Variants in PDZD2 observed in about 807,000 individuals in gnomAD.
The protein encoded by PDZD2 is PDZ domain containing 2.
Under a neutral mutation model 220.7 loss-of-function variants are expected in PDZD2, and 90 were observed. That is an observed-to-expected ratio of 0.41 (90% CI 0.34 to 0.49). The LOEUF is 0.49. Among genes scored for constraint, PDZD2 ranks in the 20% least tolerant of loss-of-function variants. The pLI, the probability that PDZD2 is intolerant of heterozygous loss-of-function variation, is 0.28. For synonymous variants in PDZD2, 1,375 were observed against 1,450.5 expected, an observed-to-expected ratio of 0.95 and a Z score of 1.18; for missense variants, 3,174 against 3,608.5, an observed-to-expected ratio of 0.88 and a Z score of 3.08.
intron 2 of PDZD2, among the ~76,000 whole-genome samples, chr5:31,833,801 C>G (rs561950571): frequency 1.3e-5 from 2 of 152,350 alleles, no homozygotes; most frequent in East Asian, 3.9e-4. Flanking sequence ...GTGACAACCT[C>G]AACTGGGACC....
intron 2 of PDZD2, among the ~76,000 whole-genome samples, chr5:31,932,289 C>T (rs1745363646): frequency 6.6e-6 from 1 of 152,198 alleles, no homozygotes; most frequent in Non-Finnish European, 1.5e-5. Context: ...TGGCTCATGC[C>T]TGTAATCCTT....
intron 1 of PDZD2, among the ~76,000 whole-genome samples, chr5:31,682,428 T>C (rs981082931): frequency 2.6e-5 from 4 of 152,184 alleles, no homozygotes; most frequent in African/African-American, 9.7e-5. Flanking sequence ...GGTGGTTAAT[T>C]GGGAGAAGTG....
intron 1 of PDZD2, among the ~76,000 whole-genome samples, chr5:31,642,265 C>G (rs1744977495): frequency 6.6e-6 from 1 of 152,168 alleles, no homozygotes; most frequent in Non-Finnish European, 1.5e-5. Context: ...TTCTTCTGCC[C>G]TCAGACACAT....
chr5:32,077,639 G>A, intron 19 of PDZD2, 33 bp downstream of exon 19: 1 of 1,608,504 alleles, frequency 6.2e-7, no homozygotes. Flanking sequence ...TAATCTTAAA[G>A]TAGGTGGGGA....
chr5:31,944,370 T>C (rs1210270250), intron 2 of PDZD2, among the ~76,000 whole-genome samples: 3 of 152,170 alleles, frequency 2.0e-5, no homozygotes, highest in African/African-American at 7.2e-5. Flanking sequence ...TGGGGGATCT[T>C]GATAAAATGC....
At chr5:31,897,717 A>G (rs1741696609) in intron 2 of PDZD2, among the ~76,000 whole-genome samples, 1 of 149,468 alleles carries the variant, frequency 6.7e-6, no homozygotes, top group East Asian at 2.0e-4. Context: ...CAGATGATAT[A>G]AGGTCTCATT....
chr5:31,852,853 T>TC (rs1243387047), intron 2 of PDZD2, among the ~76,000 whole-genome samples: 1 of 152,170 alleles, frequency 6.6e-6, no homozygotes, highest in Non-Finnish European at 1.5e-5. Context: ...CACCTCGACC[T>TC]CCCAAAGTGT....
chr5:31,672,298 C>T (rs1746245057), intron 1 of PDZD2, among the ~76,000 whole-genome samples: 1 of 152,184 alleles, frequency 6.6e-6, no homozygotes, highest in East Asian at 1.9e-4. Flanking sequence ...TGTTGCCCTC[C>T]TCGCCAAAGC....
rs1757214002 is a variant in PDZD2 at position 31,840,425 on chromosome 5, TATATATATATATA to T, written c.476+40702_476+40714del. 7.4e-5 allele frequency: 9 copies of T among 122,448 alleles called. 1 individual carries two copies. The highest frequency in any genetic ancestry group is 3.4e-3 in the Middle Eastern group (1 of 292). 7.6% of individuals were successfully genotyped at this position (122,448 alleles called of 1,614,324 possible). A position where few individuals can be genotyped will look rare whatever the true frequency, so the allele number is the denominator to read the frequency against. ...ATATATATATATATATATATATATATATATATATATATATATATATATATTTGTTTATAGTCCA... is the reference window on the plus strand; with the variant it reads ...ATATATATATATATATATATATATATTATATATATATTTGTTTATAGTCCA... On this transcript the variant is annotated intron_variant, in intron 2 of 24. Coordinates refer to ENST00000438447, the MANE Select transcript of PDZD2 (RefSeq NM_178140.4).
At position 32,031,521 on chromosome 5, in the gene PDZD2, T is replaced by C. The variant is rs565817053; in HGVS notation, c.1408-5710T>C. On this transcript the variant is annotated intron_variant, in intron 6 of 24. Coordinates refer to ENST00000438447, the MANE Select transcript of PDZD2 (RefSeq NM_178140.4). The stretch of plus-strand genomic sequence containing the variant: ...TTTGCAGTAATTTTATTAAAGGGCT[T>C]TTTTCCCCATCTTCAAAGAAGATGG... 2.0e-5 allele frequency among the ~76,000 whole-genome samples: 3 copies of C among 152,274 alleles called. No individual in the cohort carries two copies. In the South Asian group the frequency reaches 6.2e-4, roughly 32 times the overall value.
chr5:31,809,626 G>A (rs11740482), intron 2 of PDZD2, among the ~76,000 whole-genome samples: 2,164 of 152,308 alleles, frequency 0.014, 25 homozygotes, highest in South Asian at 0.036. Flanking sequence ...TAAGGAAAGC[G>A]TGAGCAGCAA....
At chr5:31,869,196 T>C (rs1290954665) in intron 2 of PDZD2, among the ~76,000 whole-genome samples, 2 of 152,232 alleles carry the variant, frequency 1.3e-5, no homozygotes, top group African/African-American at 4.8e-5. Context: ...CAAATCCATT[T>C]ACTTCTACTG....
chr5:31,740,249 G>A lies in PDZD2; in HGVS notation c.-360-58640G>A, dbSNP rs139990287. Among the ~76,000 whole-genome samples, 450 of 152,004 alleles carry A rather than the reference G, an allele frequency of 3.0e-3. 6 individuals carry two copies. The East Asian group carries it at 0.04, about 13-fold the overall frequency. On this transcript the variant is annotated intron_variant, in intron 1 of 24. Coordinates refer to ENST00000438447, the MANE Select transcript of PDZD2 (RefSeq NM_178140.4). Reference sequence around the variant, plus strand: ...GAAAATTCTGCTGTTGGCTGGGTGCGGTGGCTCAAGCCTGTAATCCCAGCA... The same window carrying A: ...GAAAATTCTGCTGTTGGCTGGGTGCAGTGGCTCAAGCCTGTAATCCCAGCA...
At chr5:31,920,942 A>C (rs1744199123) in intron 2 of PDZD2, among the ~76,000 whole-genome samples, 1 of 152,142 alleles carries the variant, frequency 6.6e-6, no homozygotes, top group Admixed American at 6.6e-5. Flanking sequence ...TTCGTTCCTT[A>C]GTAGCTCATT....
chr5:31,860,052 G>A (rs558504415), intron 2 of PDZD2, among the ~76,000 whole-genome samples: 24 of 152,234 alleles, frequency 1.6e-4, no homozygotes, highest in African/African-American at 5.3e-4. Context: ...GAGAAACTGG[G>A]TGAAGAGAAA....
At chr5:32,031,136 C>T (rs997341674) in intron 6 of PDZD2, among the ~76,000 whole-genome samples, 19 of 152,166 alleles carry the variant, frequency 1.2e-4, no homozygotes, top group Non-Finnish European at 2.5e-4. Flanking sequence ...TAGCTTTCTT[C>T]AGGTCCCAGT....
chr5:32,061,477 C>T (rs368252019), intron 14 of PDZD2, among the ~76,000 whole-genome samples: 11 of 152,212 alleles, frequency 7.2e-5, no homozygotes, highest in African/African-American at 2.6e-4. Flanking sequence ...TCTCTATGAC[C>T]CTGTCAGTTT....
At position 32,073,835 on chromosome 5, in the gene PDZD2, A is replaced by G. The variant is rs766065007; in HGVS notation, c.2729A>G (p.His910Arg). The change falls in exon 18 of 25, where the codon CAC (histidine) becomes CGC (arginine). Residue 910 changes from histidine (H) to arginine (R), a missense_variant. His to Arg is a conservative substitution (Grantham distance 29). Coordinates refer to ENST00000438447, the MANE Select transcript of PDZD2 (RefSeq NM_178140.4). ...EGSLPPSTST[H>R]KEPGKPRANS... is the part of the protein sequence containing the mutation. ...TTTCTGTCCCCACCTCCACCAGCTC[A>G]CAAGGAGCCTGGAAAACCCAGAGCC... 5 of 1,603,780 alleles carry G rather than the reference A, an allele frequency of 3.1e-6. No individual in the cohort carries two copies. In the African/African-American group the frequency reaches 4.0e-5, roughly 13 times the overall value.
chr5:31,708,654 A>G (rs1044873193), intron 1 of PDZD2, among the ~76,000 whole-genome samples: 19 of 152,222 alleles, frequency 1.2e-4, no homozygotes, highest in Non-Finnish European at 2.9e-5. Flanking sequence ...TCAGGGAAGT[A>G]AAATTCACCC....
Sources: gnomAD v4.1 joint callset for allele counts (sites outside exome capture counted in the v4.1 genomes callset) on GRCh38, gnomAD v4.1.1 for gene constraint, MANE v1.5 for transcripts, NCBI Gene and HGNC (gene_info 2026-07-23, HGNC 2026-07-21) for gene names.